BTBD8: variants seen among roughly 807,000 people sequenced by gnomAD.
The protein encoded by BTBD8 is BTB domain containing 8, also known as BTB/POZ domain-containing protein 8.
BTBD8 carries 110 observed loss-of-function variants against 162.9 expected under a neutral mutation model. The observed-to-expected ratio is 0.68, with a 90% CI of 0.58 to 0.79. BTBD8 has a LOEUF of 0.79. Ranked by LOEUF, BTBD8 falls within the 30% of genes least tolerant of loss-of-function variation. BTBD8 has a pLI of 0.00. For missense variants in BTBD8, 1,905 were observed against 2,085.4 expected (o/e 0.91, Z 1.68); for synonymous variants, 667 against 716.1 (o/e 0.93, Z 1.10).
At position 92,123,079 on chromosome 1, in the gene BTBD8, C is replaced by G. The variant is rs370368290; in HGVS notation, c.663-6608C>G. Among the ~76,000 whole-genome samples, 6 of 152,254 alleles carry G rather than the reference C, an allele frequency of 3.9e-5. 1 individual carries two copies. The highest frequency in any genetic ancestry group is 1.4e-4 in the African/African-American group (6 of 41,544). On this transcript the variant is annotated intron_variant, in intron 4 of 17. Transcript: ENST00000636805. ...TTTTTTCTACAAACATCCTGTTGTT[C>G]CAGTACCTTTTGATGATAAGACTGT...
chr1:92,149,842 AC>A (rs1214314136), intron 9 of BTBD8, among the ~76,000 whole-genome samples: 1 of 152,068 alleles, frequency 6.6e-6, no homozygotes, highest in Admixed American at 6.6e-5. Flanking sequence ...CCTGCAGGAT[AC>A]CCATAGCGTC....
chr1:92,163,608 A>T (rs1027922885), intron 9 of BTBD8, among the ~76,000 whole-genome samples: 1 of 151,242 alleles, frequency 6.6e-6, no homozygotes, highest in Non-Finnish European at 1.5e-5. Flanking sequence ...AGCAAGGTTT[A>T]TTGTTTATTG....
intron 2 of BTBD8, among the ~76,000 whole-genome samples, chr1:92,090,310 C>A (rs1199881723): frequency 6.6e-6 from 1 of 152,098 alleles, no homozygotes; most frequent in African/African-American, 2.4e-5. Context: ...TTGTTGTTAT[C>A]TTCTGTATTT....
At chr1:92,121,469 T>G (rs149786321) in intron 4 of BTBD8, among the ~76,000 whole-genome samples, 328 of 152,336 alleles carry the variant, frequency 2.2e-3, no homozygotes, top group African/African-American at 7.5e-3. Context: ...TTAAAACTTA[T>G]GTCGTCCTTA....
At chr1:92,182,657 T>G in intron 17 of BTBD8, 62 bp downstream of exon 17, 1 of 1,028,882 alleles carries the variant, frequency 9.7e-7, no homozygotes, top group East Asian at 2.9e-5. Flanking sequence ...ATTTTAAAGT[T>G]GTATGAAGCC....
At chr1:92,083,009 A>G (rs12077180) in intron 1 of BTBD8, among the ~76,000 whole-genome samples, 11,925 of 152,116 alleles carry the variant, frequency 0.078, 1,345 homozygotes, top group African/African-American at 0.25. Context: ...TGATGGTGGC[A>G]CCTATAGTCC....
chr1:92,089,410 TTAAAG>T (rs1429859036), intron 2 of BTBD8, among the ~76,000 whole-genome samples: 1 of 152,202 alleles, frequency 6.6e-6, no homozygotes, highest in Non-Finnish European at 1.5e-5. Context: ...ATGTGAAACT[TTAAAG>T]TATGTATATT....
At position 92,184,255 on chromosome 1, in the gene BTBD8, C is replaced by T. The variant is rs1294614818; in HGVS notation, c.5304C>T (p.Thr1768=). 6.4e-7 allele frequency: 1 copy of T among 1,551,610 alleles called. No individual in the cohort carries two copies. The part of the protein sequence containing the change: ...TSPLDSSASI[T]MASFSSEDCS... ...CACTTGATTCCTCAGCGAGCATCAC[C>T]ATGGCTAGTTTTTCCTCTGAAGATT... Residue 1768 remains threonine (T), a synonymous_variant, in exon 18 of 18, where the codon ACC becomes ACT. Transcript: ENST00000636805.
At chr1:92,165,342 A>G (rs1422230103) in intron 9 of BTBD8, among the ~76,000 whole-genome samples, 1 of 152,162 alleles carries the variant, frequency 6.6e-6, no homozygotes, top group Non-Finnish European at 1.5e-5. Context: ...CATTGAACAT[A>G]CAGCCCAGTG....
intron 7 of BTBD8, among the ~76,000 whole-genome samples, chr1:92,143,646 G>A (rs1341809287): frequency 1.3e-5 from 2 of 152,008 alleles, no homozygotes; most frequent in Non-Finnish European, 2.9e-5. Flanking sequence ...GAGTAGCTGG[G>A]AGTACAGGAG....
intron 4 of BTBD8, among the ~76,000 whole-genome samples, chr1:92,120,278 G>A (rs769752205): frequency 3.3e-5 from 5 of 152,100 alleles, no homozygotes; most frequent in Non-Finnish European, 7.4e-5. Context: ...TACTTACTAG[G>A]CCTACACAGA....
chr1:92,135,572 A>G (rs1025753045), intron 5 of BTBD8, among the ~76,000 whole-genome samples: 1 of 152,134 alleles, frequency 6.6e-6, no homozygotes, highest in Non-Finnish European at 1.5e-5. Context: ...CATTTAAACT[A>G]TGGGCTATTG....
At chr1:92,103,263 T>C (rs1273963868) in intron 3 of BTBD8, among the ~76,000 whole-genome samples, 1 of 152,232 alleles carries the variant, frequency 6.6e-6, no homozygotes, top group African/African-American at 2.4e-5. Context: ...AGGATCTTAT[T>C]ACTGGTGTGT....
At chr1:92,120,359 C>T (rs1293548798) in intron 4 of BTBD8, among the ~76,000 whole-genome samples, 3 of 152,266 alleles carry the variant, frequency 2.0e-5, no homozygotes, top group African/African-American at 2.4e-5. Flanking sequence ...GGGGCAGTAA[C>T]GGACATGGAG....
At chr1:92,153,569 A>G (rs1650094663) in intron 9 of BTBD8, among the ~76,000 whole-genome samples, 1 of 152,066 alleles carries the variant, frequency 6.6e-6, no homozygotes, top group African/African-American at 2.4e-5. Context: ...CCATTCTCTG[A>G]TTCTATGAGT....
chr1:92,082,761 A>G (rs780007549), intron 1 of BTBD8, among the ~76,000 whole-genome samples: 4 of 152,164 alleles, frequency 2.6e-5, no homozygotes, highest in East Asian at 1.9e-4. Flanking sequence ...GCCAGCTCCA[A>G]TGTAGAACTG....
Position 92,177,218 on chromosome 1 carries a change from A to G in BTBD8, c.2025A>G (p.Leu675=). The change falls in exon 14 of 18, where the codon TTA becomes TTG. Residue 675 remains leucine (L), a synonymous_variant. Transcript: ENST00000636805. ...CAGCAGCAACTGGACAGAAGAATTT[A>G]CTAAATGGAAAAGGAGTGAGAAATC... is the stretch of plus-strand genomic sequence containing the variant. ...AAAAATGQKN[L]LNGKGVRNQE... The G allele has an allele frequency of 6.4e-7, 1 of 1,552,074 alleles. No individual in the cohort carries two copies. Among genetic ancestry groups the G allele is most frequent in the Non-Finnish European group, 8.7e-7 (1 of 1,147,076 alleles).
intron 2 of BTBD8, among the ~76,000 whole-genome samples, chr1:92,102,208 A>T (rs1428725536): frequency 6.6e-6 from 1 of 151,930 alleles, no homozygotes; most frequent in Non-Finnish European, 1.5e-5. Flanking sequence ...TATTAGAGAC[A>T]GGGTTTCGCC....
chr1:92,181,392 T>A lies in BTBD8; in HGVS notation c.3709T>A (p.Leu1237Met). The part of the protein sequence containing the change: ...PETPFVGHWN[L>M]STGVLHQRES... The stretch of plus-strand genomic sequence containing the variant: ...AACTCCATTTGTGGGTCACTGGAAT[T>A]TGAGTACTGGTGTTCTGCATCAGCG... Residue 1237 changes from leucine (L) to methionine (M), a missense_variant, in exon 17 of 18, where the codon TTG becomes ATG. Leu to Met is a conservative substitution (Grantham distance 15). Around this residue, in one of 3 missense-constraint regions of BTBD8, gnomAD observed 1,374 missense variants for 1,442.7 expected, o/e 0.95. Coordinates refer to ENST00000636805, the MANE Select transcript of BTBD8 (RefSeq NM_001376131.1). 1 of 1,551,684 alleles carries A rather than the reference T, an allele frequency of 6.4e-7. No individual in the cohort carries two copies. Among genetic ancestry groups the A allele is most frequent in the South Asian group, 1.2e-5 (1 of 84,066 alleles).
Sources: gnomAD v4.1 joint callset for allele counts (sites outside exome capture counted in the v4.1 genomes callset) on GRCh38, gnomAD v4.1.1 for gene constraint, gnomAD v4.1.1 regional missense constraint, MANE v1.5 for transcripts, NCBI Gene and HGNC (gene_info 2026-07-23, HGNC 2026-07-21) for gene names.